ACO2: variants seen among roughly 807,000 people sequenced by gnomAD.
ACO2 encodes the protein aconitate hydratase, mitochondrial.
Under a neutral mutation model 84.5 loss-of-function variants are expected in ACO2, and 31 were observed. The ratio of observed to expected loss-of-function variants is 0.37; its 90% confidence interval spans 0.28 to 0.50. The LOEUF is 0.50. Among genes scored for constraint, ACO2 ranks in the 20% least tolerant of loss-of-function variants. The probability of loss-of-function intolerance (pLI) is 0.97; values close to 1 mark genes in which losing one functional copy is unlikely to be tolerated. For missense variants in ACO2, 685 were observed against 1,029.3 expected (o/e 0.67, Z 4.58); for synonymous variants, 414 against 412.7 (o/e 1.00, Z -0.04).
intron 1 of ACO2, among the ~76,000 whole-genome samples, chr22:41,477,411 G>A (rs183128345): frequency 0.016 from 2,351 of 151,406 alleles, 67 homozygotes; most frequent in African/African-American, 0.054. Flanking sequence ...CACCTGCCTC[G>A]GCCTCCCAAA....
intron 1 of ACO2, among the ~76,000 whole-genome samples, chr22:41,478,395 C>T (rs1569000668): frequency 6.6e-6 from 1 of 152,124 alleles, no homozygotes; most frequent in Non-Finnish European, 1.5e-5. Flanking sequence ...CCAGCTGCCC[C>T]AGCTTCCCAA....
chr22:41,506,924 G>T (rs1429288472), intron 2 of ACO2, among the ~76,000 whole-genome samples: 1 of 151,776 alleles, frequency 6.6e-6, no homozygotes, highest in Non-Finnish European at 1.5e-5. Context: ...GGTGCAGCCG[G>T]GAGTCAGCCG....
At chr22:41,478,049 A>G (rs1438665196) in intron 1 of ACO2, among the ~76,000 whole-genome samples, 1 of 152,000 alleles carries the variant, frequency 6.6e-6, no homozygotes, top group African/African-American at 2.4e-5. Context: ...TGGGCAACAG[A>G]GCGAGACTCT....
At chr22:41,527,076 C>T (rs908911590) in intron 15 of ACO2, 26 of 656,710 alleles carry the variant, frequency 4.0e-5, no homozygotes, top group Middle Eastern at 4.2e-4. Context: ...CAAACAACCA[C>T]GTGCCTCTGT....
intron 1 of ACO2, among the ~76,000 whole-genome samples, chr22:41,493,512 A>C (rs2066289558): frequency 6.6e-6 from 1 of 152,212 alleles, no homozygotes; most frequent in Admixed American, 6.5e-5. Context: ...TGAACTGGCA[A>C]AGACTGAAAG....
intron 7 of ACO2, among the ~76,000 whole-genome samples, chr22:41,518,167 G>A (rs2066490578): frequency 6.6e-6 from 1 of 152,182 alleles, no homozygotes; most frequent in African/African-American, 2.4e-5. Context: ...GTAAGCACGT[G>A]GAATCCTTGG....
intron 1 of ACO2, among the ~76,000 whole-genome samples, chr22:41,492,947 AAAAAG>A (rs926606252): frequency 2.6e-4 from 40 of 152,194 alleles, no homozygotes; most frequent in African/African-American, 5.8e-4. Flanking sequence ...TCCGTCTCAA[AAAAAG>A]AAAAGAAAAG....
chr22:41,518,377 C>T (rs758377139), intron 7 of ACO2, 104 bp from the exon 8 acceptor site: 6 of 829,138 alleles, frequency 7.2e-6, no homozygotes, highest in Non-Finnish European at 1.2e-5. Context: ...AGTCAGTGCC[C>T]AGGGTGGGCC....
intron 1 of ACO2, among the ~76,000 whole-genome samples, chr22:41,497,013 C>A (rs1004452336): frequency 1.3e-5 from 2 of 152,002 alleles, no homozygotes; most frequent in Admixed American, 6.6e-5. Context: ...CAAGGTATGA[C>A]GAGGAACACC....
chr22:41,472,497 G>T (rs1364779777), intron 1 of ACO2, among the ~76,000 whole-genome samples: 1 of 152,202 alleles, frequency 6.6e-6, no homozygotes, highest in African/African-American at 2.4e-5. Flanking sequence ...TCAGCCTGTG[G>T]ATCAGGGCAC....
chr22:41,518,537 C>T lies in ACO2; in HGVS notation c.997C>T (p.His333Tyr), dbSNP rs1409858374. The T allele has an allele frequency of 1.2e-6, 2 of 1,613,816 alleles. No homozygotes were observed. The highest frequency in any genetic ancestry group is 8.5e-7 in the Non-Finnish European group (1 of 1,179,778). The change falls in exon 8 of 18, where the codon CAT becomes TAT. Residue 333 changes from histidine to tyrosine, a missense_variant. His to Tyr is a moderately conservative substitution (Grantham distance 83, BLOSUM62 2). Coordinates refer to ENST00000216254, the MANE Select transcript of ACO2 (RefSeq NM_001098.3). ...KDHLVPDPGC[H>Y]YDQLIEINLS... ...TCACTTGGTGCCTGACCCTGGCTGC[C>T]ATTATGACCAACTAATTGAAATTAA...
chr22:41,515,561 G>A lies in ACO2; in HGVS notation c.684+26G>A. 1.3e-6 allele frequency: 2 copies of A among 1,594,804 alleles called. No individual in the cohort carries two copies. Among genetic ancestry groups the A allele is most frequent in the South Asian group, 2.3e-5 (2 of 88,046 alleles). ...GTGAGGGTGGGGAGGGACTCATTCT[G>A]GGCTGGCTGTGGGGTGGTGGTTGGT... On this transcript the variant is annotated intron_variant, in intron 5 of 17. Transcript: ENST00000216254. The surrounding 1 kb of genome is among the most constrained non-coding windows in gnomAD (Gnocchi z 5.8).
intron 1 of ACO2, among the ~76,000 whole-genome samples, chr22:41,479,270 G>A (rs1338037203): frequency 2.0e-5 from 3 of 152,202 alleles, no homozygotes; most frequent in Non-Finnish European, 4.4e-5. Flanking sequence ...TCCAGGCCTG[G>A]AGGAGCGGAG....
chr22:41,512,054 A>G, intron 4 of ACO2, 86 bp downstream of exon 4: 2 of 926,030 alleles, frequency 2.2e-6, no homozygotes, highest in Non-Finnish European at 3.2e-6. Context: ...TTTGAGGCCC[A>G]GGGGGGCTGA....
chr22:41,507,468 CG>C lies in ACO2; in HGVS notation c.174-319del, dbSNP rs548789299. 9.9e-5 allele frequency among the ~76,000 whole-genome samples: 15 copies of C among 152,140 alleles called. 1 individual carries two copies. The South Asian group carries it at 2.9e-3, about 29-fold the overall frequency. On this transcript the variant is annotated intron_variant, in intron 2 of 17. Coordinates refer to ENST00000216254, the MANE Select transcript of ACO2 (RefSeq NM_001098.3). ...CAGGAATGATGAGATATGCATGTTG[CG>C]GGGACTTAGTAGGAATTACGATGCT...
intron 1 of ACO2, among the ~76,000 whole-genome samples, chr22:41,498,279 T>G (rs1308679081): frequency 6.6e-6 from 1 of 151,960 alleles, no homozygotes; most frequent in Non-Finnish European, 1.5e-5. Context: ...GCCCCTGCAC[T>G]CCAGCCTGGA....
intron 1 of ACO2, among the ~76,000 whole-genome samples, chr22:41,486,957 C>T (rs539466605): frequency 5.9e-5 from 9 of 152,176 alleles, no homozygotes; most frequent in Admixed American, 2.0e-4. Flanking sequence ...CATCTCGGCT[C>T]ACTGTAGCTT....
chr22:41,509,326 G>T (rs1230793274), intron 3 of ACO2, among the ~76,000 whole-genome samples: 4 of 152,112 alleles, frequency 2.6e-5, no homozygotes, highest in African/African-American at 9.7e-5. Context: ...CATTCTTTAT[G>T]TGCCAGGCAC....
chr22:41,485,066 G>A (rs576077423), intron 1 of ACO2, among the ~76,000 whole-genome samples: 2 of 151,798 alleles, frequency 1.3e-5, no homozygotes, highest in Middle Eastern at 3.2e-3. Flanking sequence ...TATTAGAGAC[G>A]AGGTTTCTCC....
Sources: gnomAD v4.1 joint callset for allele counts (sites outside exome capture counted in the v4.1 genomes callset) on GRCh38, gnomAD v4.1.1 for gene constraint, Gnocchi (gnomAD v3.1) non-coding constraint, MANE v1.5 for transcripts, NCBI Gene and HGNC (gene_info 2026-07-23, HGNC 2026-07-21) for gene names.